Variants in LMNA observed in about 807,000 individuals in gnomAD.
LMNA encodes lamin A/C.
A neutral mutation model predicts 70.4 loss-of-function variants in LMNA; 20 were observed. That is an observed-to-expected ratio of 0.28 (90% CI 0.20 to 0.41). The LOEUF is 0.41. Among genes scored for constraint, LMNA ranks in the 10% least tolerant of loss-of-function variants. The pLI is 1.00. For missense variants in LMNA, 652 were observed against 917.2 expected (o/e 0.71, Z 3.73); for synonymous variants, 339 against 372.8 (o/e 0.91, Z 1.04).
At position 156,134,268 on chromosome 1, in the gene LMNA, C is replaced by A; in HGVS notation, c.514-135C>A. On this transcript the variant is annotated intron_variant, in intron 2 of 11. Coordinates refer to ENST00000368300, the MANE Select transcript of LMNA (RefSeq NM_170707.4). The surrounding 1 kb of genome is among the most constrained non-coding windows in gnomAD (Gnocchi z 5.3). ...GAGTAGATGTCCTGACCCCTGCAGG[C>A]ATCCAAGGCCCTCCTTCCCTGGACC... The A allele has an allele frequency of 1.1e-6, 1 of 907,076 alleles. No homozygotes were observed. Among genetic ancestry groups the A allele is most frequent in the Non-Finnish European group, 1.7e-6 (1 of 571,442 alleles). The allele number at this position is 907,076 out of a possible 1,614,324, so 56.2% of individuals were successfully genotyped here. A position where few individuals can be genotyped will look rare whatever the true frequency, so the allele number is the denominator to read the frequency against.
intron 3 of LMNA, among the ~76,000 whole-genome samples, chr1:156,107,089 C>T (rs1649377056): frequency 6.6e-6 from 1 of 152,194 alleles, no homozygotes; most frequent in Non-Finnish European, 1.5e-5. Context: ...CTGCCTAAGC[C>T]TCTGTCTCCT....
Position 156,130,705 on chromosome 1 carries a change from A to G in LMNA, c.445A>G (p.Ser149Gly). The change falls in exon 2 of 12, where the codon AGC (serine) becomes GGC (glycine). Residue 149 changes from serine to glycine, a missense_variant. This residue lies in a region of LMNA where 254 missense variants were observed against 421.9 expected (regional missense o/e 0.60). Coordinates refer to ENST00000368300, the MANE Select transcript of LMNA (RefSeq NM_170707.4). Reference sequence around the variant, plus strand: ...GCTGAACTCCAAGGAGGCCGCACTGAGCACTGCTCTCAGTGAGAAGCGCAC... The same window carrying G: ...GCTGAACTCCAAGGAGGCCGCACTGGGCACTGCTCTCAGTGAGAAGCGCAC... ...ALLNSKEAAL[S>G]TALSEKRTLE... The G allele has an allele frequency of 6.2e-7, 1 of 1,613,324 alleles. No individual in the cohort carries two copies.
intron 3 of LMNA, among the ~76,000 whole-genome samples, chr1:156,106,295 T>C (rs570722685): frequency 5.9e-5 from 9 of 152,318 alleles, no homozygotes; most frequent in Non-Finnish European, 1.0e-4. Flanking sequence ...CCTGGAAATG[T>C]GTAGGGGCGT....
Position 156,134,937 on chromosome 1 carries a change from C to G in LMNA, c.772C>G (p.Gln258Glu), listed in dbSNP as rs2102881769. The G allele has an allele frequency of 3.7e-6, 6 of 1,614,210 alleles. No individual in the cohort carries two copies. Among genetic ancestry groups the G allele is most frequent in the Non-Finnish European group, 5.1e-6 (6 of 1,180,042 alleles). ...GGCCCAGCATGAGGACCAGGTGGAG[C>G]AGTATAAGAAGGAGCTGGAGAAGAC... ...LRAQHEDQVE[Q>E]YKKELEKTYS... Residue 258 changes from glutamine (Q) to glutamate (E), a missense_variant, in exon 4 of 12, where the codon CAG becomes GAG. Coordinates refer to ENST00000368300, the MANE Select transcript of LMNA (RefSeq NM_170707.4). The surrounding 1 kb of genome is among the most constrained non-coding windows in gnomAD (Gnocchi z 5.3).
At chr1:156,102,400 C>G (rs1449007487) in intron 3 of LMNA, among the ~76,000 whole-genome samples, 1 of 152,168 alleles carries the variant, frequency 6.6e-6, no homozygotes, top group East Asian at 1.9e-4. Flanking sequence ...GGCAAGGGCA[C>G]CCAGGTTTCA....
intron 3 of LMNA, among the ~76,000 whole-genome samples, chr1:156,104,205 G>A (rs1031804864): frequency 6.6e-6 from 1 of 152,220 alleles, no homozygotes; most frequent in Non-Finnish European, 1.5e-5. Flanking sequence ...CGTGTATGGA[G>A]GGGTATAGCT....
chr1:156,118,143 A>G (rs1234490600), intron 1 of LMNA, among the ~76,000 whole-genome samples: 1 of 151,964 alleles, frequency 6.6e-6, no homozygotes, highest in Non-Finnish European at 1.5e-5. Flanking sequence ...TCTTTTTTCT[A>G]CTAGTGATAT....
intron 3 of LMNA, among the ~76,000 whole-genome samples, chr1:156,092,280 G>A (rs1287376229): frequency 6.6e-6 from 1 of 152,122 alleles, no homozygotes; most frequent in Non-Finnish European, 1.5e-5. Flanking sequence ...AGCTACTTAG[G>A]AGGCTGAGAT....
chr1:156,110,082 A>G (rs1054014240), upstream of LMNA, among the ~76,000 whole-genome samples: 4 of 151,860 alleles, frequency 2.6e-5, no homozygotes, highest in Admixed American at 2.6e-4. Flanking sequence ...GGCTCAAGCA[A>G]TCTGCAATCT....
Position 156,136,554 on chromosome 1 carries a change from G to A in LMNA, c.1380+118G>A. 9.4e-7 allele frequency: 1 copy of A among 1,064,952 alleles called. No individual in the cohort carries two copies. Among genetic ancestry groups the A allele is most frequent in the Non-Finnish European group, 1.4e-6 (1 of 717,896 alleles). 66.0% of individuals were successfully genotyped at this position (1,064,952 alleles called of 1,614,324 possible). A position where few individuals can be genotyped will look rare whatever the true frequency, so the allele number is the denominator to read the frequency against. On this transcript the variant is annotated intron_variant, in intron 7 of 11. Transcript: ENST00000368300. This position sits in a 1 kb window ranked among gnomAD's most constrained non-coding sequence, Gnocchi z 6.1. ...GCCCTCAGAGGGTGGACCAGGGTGA[G>A]CCTGTATATCTCCTCCACACTCTGG...
At chr1:156,097,711 C>T (rs1648990995) in intron 3 of LMNA, among the ~76,000 whole-genome samples, 1 of 152,226 alleles carries the variant, frequency 6.6e-6, no homozygotes, top group Non-Finnish European at 1.5e-5. Context: ...AGATGGACCC[C>T]AAGGCCCCTA....
Position 156,135,486 on chromosome 1 carries a change from T to C in LMNA, c.936+174T>C. 2.4e-6 allele frequency: 2 copies of C among 824,638 alleles called. No homozygotes were observed. The highest frequency in any genetic ancestry group is 3.9e-6 in the Non-Finnish European group (2 of 510,286). The allele number at this position is 824,638 out of a possible 1,614,324, so 51.1% of individuals were successfully genotyped here. On this transcript the variant is annotated intron_variant, in intron 5 of 11. Coordinates refer to ENST00000368300, the MANE Select transcript of LMNA (RefSeq NM_170707.4). This position sits in a 1 kb window ranked among gnomAD's most constrained non-coding sequence, Gnocchi z 4.8. ...GCAGGATGTGGAGTCAGATGGCCTG[T>C]GTGCTGTTTCTGTACACTCTTACCT...
intron 3 of LMNA, among the ~76,000 whole-genome samples, chr1:156,107,859 T>A (rs1343342445): frequency 6.6e-6 from 1 of 151,424 alleles, no homozygotes; most frequent in Non-Finnish European, 1.5e-5. Flanking sequence ...CAGGCTGGAG[T>A]GCAGTGACAT....
chr1:156,136,705 A>T lies in LMNA; in HGVS notation c.1381-216A>T. On this transcript the variant is annotated intron_variant, in intron 7 of 11. Transcript: ENST00000368300. The surrounding 1 kb of genome is among the most constrained non-coding windows in gnomAD (Gnocchi z 6.1). ...CTGATCCCTAAGTCTTTGAGTTGTC[A>T]GGAAGATGAAAGATAAGGTATCCGT... is the stretch of plus-strand genomic sequence containing the variant. 1.5e-6 allele frequency: 1 copy of T among 673,586 alleles called. No homozygotes were observed. The highest frequency in any genetic ancestry group is 1.7e-5 in the South Asian group (1 of 60,532). The allele number at this position is 673,586 out of a possible 1,614,324, so 41.7% of individuals were successfully genotyped here.
intron 3 of LMNA, among the ~76,000 whole-genome samples, chr1:156,098,475 G>C (rs977507111): frequency 6.6e-6 from 1 of 152,226 alleles, no homozygotes; most frequent in Non-Finnish European, 1.5e-5. Context: ...CATGTGAAAA[G>C]AAGGTACGCA....
chr1:156,115,377 G>T lies in LMNA; in HGVS notation c.356+103G>T. 1 of 1,067,312 alleles carries T rather than the reference G, an allele frequency of 9.4e-7. No individual in the cohort carries two copies. The highest frequency in any genetic ancestry group is 1.4e-6 in the Non-Finnish European group (1 of 721,418). 66.1% of individuals were successfully genotyped at this position (1,067,312 alleles called of 1,614,324 possible). A position where few individuals can be genotyped will look rare whatever the true frequency, so the allele number is the denominator to read the frequency against. On this transcript the variant is annotated intron_variant, in intron 1 of 11. Transcript: ENST00000368300. This position sits in a 1 kb window ranked among gnomAD's most constrained non-coding sequence, Gnocchi z 5.8. ...AAGGGAGTGAGAGGGCCTGGAGGCCGATAACTTTGCCATAGTCTCCTCCCT... is the reference window on the plus strand; with the variant it reads ...AAGGGAGTGAGAGGGCCTGGAGGCCTATAACTTTGCCATAGTCTCCTCCCT...
intron 2 of LMNA, among the ~76,000 whole-genome samples, chr1:156,088,241 T>A (rs1460422095): frequency 2.6e-5 from 4 of 152,224 alleles, no homozygotes; most frequent in Admixed American, 6.5e-5. Flanking sequence ...TCCTTTCTGC[T>A]AAGAGTCCAG....
Position 156,137,940 on chromosome 1 carries a change from T to C in LMNA, c.1698+197T>C. 2 of 1,190,614 alleles carry C rather than the reference T, an allele frequency of 1.7e-6. No homozygotes were observed. Among genetic ancestry groups the C allele is most frequent in the Non-Finnish European group, 2.3e-6 (2 of 866,444 alleles). 73.8% of individuals were successfully genotyped at this position (1,190,614 alleles called of 1,614,324 possible). A position where few individuals can be genotyped will look rare whatever the true frequency, so the allele number is the denominator to read the frequency against. ...GAACCCAGGTGTCTGGGTGCCCTACTCTGGTAAGGAAGGGAGTGGGAACTT... is the reference window on the plus strand; with the variant it reads ...GAACCCAGGTGTCTGGGTGCCCTACCCTGGTAAGGAAGGGAGTGGGAACTT... On this transcript the variant is annotated intron_variant, in intron 10 of 11. Transcript: ENST00000368300. This position sits in a 1 kb window ranked among gnomAD's most constrained non-coding sequence, Gnocchi z 4.6.
In LMNA at chr1:156,137,549, C is replaced by T. The variant is rs1488122584; in HGVS notation, c.1609-105C>T. 2.8e-6 allele frequency: 3 copies of T among 1,086,440 alleles called. No individual in the cohort carries two copies. Among genetic ancestry groups the T allele is most frequent in the African/African-American group, 1.6e-5 (1 of 64,380 alleles). 67.3% of individuals were successfully genotyped at this position (1,086,440 alleles called of 1,614,324 possible). ...AGGACAGAGTAAGCAGCAGGCCGGA[C>T]AAAGGGCAGGCCACAAGAAAAGTTG... On this transcript the variant is annotated intron_variant, in intron 9 of 11. Transcript: ENST00000368300. This position sits in a 1 kb window ranked among gnomAD's most constrained non-coding sequence, Gnocchi z 4.6.
Sources: allele counts gnomAD v4.1 joint callset (sites outside exome capture counted in the v4.1 genomes callset), GRCh38; gene constraint gnomAD v4.1.1; regional missense constraint gnomAD v4.1.1; non-coding constraint Gnocchi (gnomAD v3.1); transcripts MANE v1.5; gene names NCBI Gene and HGNC (gene_info 2026-07-23, HGNC 2026-07-21).